The following GULP1 variants were observed in gnomAD, a reference collection of about 807,000 sequenced individuals.
GULP1 encodes the protein PTB domain-containing engulfment adapter protein 1.
A neutral mutation model predicts 40.9 loss-of-function variants in GULP1; 19 were observed. That is an observed-to-expected ratio of 0.46 (90% CI 0.32 to 0.68). The LOEUF is 0.68. GULP1 is among the 30% of genes least tolerant of loss of function. The pLI, the probability that GULP1 is intolerant of heterozygous loss-of-function variation, is 0.03. For missense variants in GULP1, 312 were observed against 362.2 expected, an observed-to-expected ratio of 0.86 and a Z score of 1.12; for synonymous variants, 119 against 117.6, an observed-to-expected ratio of 1.01 and a Z score of -0.08.
At chr2:188,294,753 A>G (rs2034561148) in intron 1 of GULP1, among the ~76,000 whole-genome samples, 1 of 152,218 alleles carries the variant, frequency 6.6e-6, no homozygotes, top group South Asian at 2.1e-4. Context: ...TGCAAAGTAA[A>G]GAAACTTTCC....
At chr2:188,321,735 A>G (rs1382305566) in intron 1 of GULP1, among the ~76,000 whole-genome samples, 1 of 152,024 alleles carries the variant, frequency 6.6e-6, no homozygotes, top group Admixed American at 6.6e-5. Context: ...TTACTCAGGT[A>G]GCCAAGCATG....
At chr2:188,453,729 C>G (rs2059025201) in intron 2 of GULP1, among the ~76,000 whole-genome samples, 1 of 152,210 alleles carries the variant, frequency 6.6e-6, no homozygotes, top group South Asian at 2.1e-4. Flanking sequence ...TGCCCTTACT[C>G]AACCTCACTG....
intron 2 of GULP1, 46 bp from the exon 3 acceptor site, chr2:188,477,613 G>A: frequency 1.0e-6 from 1 of 974,768 alleles, no homozygotes; most frequent in African/African-American, 1.7e-5. Context: ...AGAGAGGTCA[G>A]TCAACAGTCC....
rs551223652 is a variant in GULP1, at chr2:188,535,139, T to A, written c.261+5944T>A. On this transcript the variant is annotated intron_variant, in intron 6 of 11. Transcript: ENST00000409830. The stretch of plus-strand genomic sequence containing the variant: ...GTAAATTACTAGTTAATATTAAAAA[T>A]TAATTTCTATTTTTTCTGTTATTTA... Among the ~76,000 whole-genome samples the A allele has an allele frequency of 3.2e-4, 48 of 151,674 alleles. No homozygotes were observed. In the South Asian group the frequency reaches 3.5e-3, roughly 11 times the overall value.
intron 2 of GULP1, among the ~76,000 whole-genome samples, chr2:188,462,154 T>G (rs761110640): frequency 1.3e-5 from 2 of 152,206 alleles, no homozygotes; most frequent in Non-Finnish European, 2.9e-5. Context: ...CAATAAATTT[T>G]TCAACTTTCT....
At chr2:188,491,354 A>T (rs904395456) in intron 4 of GULP1, 4 of 152,102 alleles carry the variant, frequency 2.6e-5, no homozygotes, top group African/African-American at 9.7e-5. Context: ...AAATCAGCAT[A>T]TAAGTGACTA....
At chr2:188,560,256 A>G (rs1338595589) in intron 7 of GULP1, among the ~76,000 whole-genome samples, 1 of 152,176 alleles carries the variant, frequency 6.6e-6, no homozygotes, top group Non-Finnish European at 1.5e-5. Flanking sequence ...GATACCCTAA[A>G]TCATCATTCT....
intron 1 of GULP1, among the ~76,000 whole-genome samples, chr2:188,375,149 T>C (rs1352312911): frequency 2.6e-5 from 4 of 152,190 alleles, no homozygotes; most frequent in African/African-American, 9.6e-5. Context: ...GTATATGTTT[T>C]TGTGCTTGAT....
At chr2:188,326,085 A>G (rs959607706) in intron 1 of GULP1, among the ~76,000 whole-genome samples, 5 of 152,142 alleles carry the variant, frequency 3.3e-5, no homozygotes, top group African/African-American at 1.2e-4. Flanking sequence ...GCTTTAAATG[A>G]TGATTAACCC....
chr2:188,446,860 A>G (rs1456974296), intron 2 of GULP1, among the ~76,000 whole-genome samples: 2 of 144,132 alleles, frequency 1.4e-5, no homozygotes, highest in Non-Finnish European at 3.1e-5. Context: ...TCATTGAGTG[A>G]TATTTTGGAA....
intron 4 of GULP1, among the ~76,000 whole-genome samples, chr2:188,516,059 G>C (rs1184151965): frequency 6.6e-6 from 1 of 152,060 alleles, no homozygotes; most frequent in Non-Finnish European, 1.5e-5. Flanking sequence ...ATTCTATTCT[G>C]GATAAAGTGT....
At chr2:188,547,731 C>T (rs1032452480) in intron 7 of GULP1, among the ~76,000 whole-genome samples, 16 of 152,038 alleles carry the variant, frequency 1.1e-4, no homozygotes, top group Admixed American at 9.2e-4. Context: ...TCCTTCAATC[C>T]AATAAAGTTG....
intron 2 of GULP1, among the ~76,000 whole-genome samples, chr2:188,385,096 G>A (rs376099277): frequency 4.3e-4 from 66 of 152,104 alleles, no homozygotes; most frequent in African/African-American, 1.6e-3. Flanking sequence ...CTCTGTGTGG[G>A]GGCTCTGACC....
intron 2 of GULP1, among the ~76,000 whole-genome samples, chr2:188,457,517 C>T (rs1204288994): frequency 2.0e-5 from 3 of 152,150 alleles, no homozygotes; most frequent in Non-Finnish European, 4.4e-5. Flanking sequence ...TCCCCAGCCA[C>T]GTGGAACTGT....
intron 2 of GULP1, among the ~76,000 whole-genome samples, chr2:188,414,618 T>C (rs776482744): frequency 3.9e-5 from 6 of 152,222 alleles, no homozygotes; most frequent in Non-Finnish European, 8.8e-5. Context: ...AAGGCTAACG[T>C]GTCAGTAGCT....
At chr2:188,581,609 C>A (rs1701342957) in intron 9 of GULP1, among the ~76,000 whole-genome samples, 1 of 152,090 alleles carries the variant, frequency 6.6e-6, no homozygotes, top group African/African-American at 2.4e-5. Context: ...GATGTTCAGA[C>A]CTAGTACACT....
chr2:188,340,491 G>A (rs2042818962), intron 1 of GULP1, among the ~76,000 whole-genome samples: 1 of 152,328 alleles, frequency 6.6e-6, no homozygotes, highest in East Asian at 1.9e-4. Context: ...GCAAAACTCT[G>A]TGTGGGTCTG....
intron 1 of GULP1, among the ~76,000 whole-genome samples, chr2:188,369,653 T>C (rs1472048488): frequency 2.6e-5 from 4 of 152,168 alleles, no homozygotes; most frequent in African/African-American, 7.2e-5. Context: ...TAGATGTTTC[T>C]CTACCATTTT....
chr2:188,359,487 A>G (rs1197224661), intron 1 of GULP1, among the ~76,000 whole-genome samples: 1 of 152,166 alleles, frequency 6.6e-6, no homozygotes, highest in African/African-American at 2.4e-5. Flanking sequence ...TTTCTCTGCT[A>G]GCATGGTATT....
Sources: allele counts gnomAD v4.1 joint callset (sites outside exome capture counted in the v4.1 genomes callset), GRCh38; gene constraint gnomAD v4.1.1; transcripts MANE v1.5; gene names NCBI Gene and HGNC (gene_info 2026-07-23, HGNC 2026-07-21).